EDIL3: variants seen among roughly 807,000 people sequenced by gnomAD.
The protein encoded by EDIL3 is EGF-like repeat and discoidin I-like domain-containing protein 3.
EDIL3 carries 37 observed loss-of-function variants against 67.4 expected under a neutral mutation model. The observed-to-expected ratio is 0.55, with a 90% CI of 0.42 to 0.72. The LOEUF (loss-of-function observed/expected upper bound fraction) is 0.72, where lower values mean the gene tolerates loss of function less well. Among genes scored for constraint, EDIL3 ranks in the 30% least tolerant of loss-of-function variants. EDIL3 has a pLI of 0.00. For missense variants in EDIL3, 527 were observed against 586.3 expected (o/e 0.90, Z 1.04); for synonymous variants, 195 against 196.3 (o/e 0.99, Z 0.05).
chr5:84,081,508 C>G (rs1183904860), intron 6 of EDIL3, among the ~76,000 whole-genome samples: 1 of 151,952 alleles, frequency 6.6e-6, no homozygotes, highest in Non-Finnish European at 1.5e-5. Context: ...GGTCACTTTG[C>G]TAATGAATAT....
chr5:84,278,906 G>A (rs1483374446), intron 1 of EDIL3, among the ~76,000 whole-genome samples: 2 of 151,994 alleles, frequency 1.3e-5, no homozygotes, highest in African/African-American at 4.8e-5. Context: ...GGAGAGTGTG[G>A]TATAATTTAA....
chr5:84,156,327 C>T (rs1748489376), intron 4 of EDIL3, among the ~76,000 whole-genome samples: 1 of 152,182 alleles, frequency 6.6e-6, no homozygotes, highest in Admixed American at 6.5e-5. Context: ...TCACCCCTAG[C>T]TAGCCTGGAC....
At chr5:83,965,930 C>T (rs1744683517) in intron 9 of EDIL3, among the ~76,000 whole-genome samples, 1 of 152,016 alleles carries the variant, frequency 6.6e-6, no homozygotes, top group African/African-American at 2.4e-5. Context: ...CAAAAATAAT[C>T]AGCAACTCAC....
chr5:84,282,286 A>G (rs899635613), intron 1 of EDIL3, among the ~76,000 whole-genome samples: 4 of 152,146 alleles, frequency 2.6e-5, no homozygotes. Flanking sequence ...TACAATTTTT[A>G]TATTTATAAT....
At chr5:84,141,946 T>TAC (rs1161570578) in intron 4 of EDIL3, among the ~76,000 whole-genome samples, 1,706 of 132,292 alleles carry the variant, frequency 0.013, 57 homozygotes, top group African/African-American at 0.045. Flanking sequence ...TATATATATA[T>TAC]ACATAGATCT....
At chr5:84,363,640 C>T (rs1177166781) in intron 1 of EDIL3, among the ~76,000 whole-genome samples, 2 of 152,008 alleles carry the variant, frequency 1.3e-5, no homozygotes, top group Non-Finnish European at 2.9e-5. Context: ...TGTGCACAGG[C>T]ATTGGAACCT....
chr5:84,052,143 G>A (rs1351123901), intron 9 of EDIL3, among the ~76,000 whole-genome samples: 1 of 152,170 alleles, frequency 6.6e-6, no homozygotes, highest in Non-Finnish European at 1.5e-5. Flanking sequence ...GAAGAGAGTG[G>A]GGGCCAATAT....
chr5:84,208,582 G>A (rs1744039301), intron 3 of EDIL3, among the ~76,000 whole-genome samples: 1 of 150,454 alleles, frequency 6.6e-6, no homozygotes, highest in South Asian at 2.1e-4. Flanking sequence ...GGGAGGCTGA[G>A]GCAGGAGAAT....
chr5:84,218,885 C>A (rs1372365488), intron 3 of EDIL3, among the ~76,000 whole-genome samples: 4 of 152,178 alleles, frequency 2.6e-5, no homozygotes, highest in Admixed American at 1.3e-4. Flanking sequence ...TCTGTGCCAG[C>A]TCAGCCACAG....
intron 1 of EDIL3, among the ~76,000 whole-genome samples, chr5:84,345,930 C>A (rs188315533): frequency 6.6e-6 from 1 of 152,076 alleles, no homozygotes; most frequent in African/African-American, 2.4e-5. Context: ...GAAAACACAA[C>A]AATGTTTTCC....
intron 5 of EDIL3, among the ~76,000 whole-genome samples, chr5:84,114,933 A>G (rs1295091911): frequency 1.3e-5 from 2 of 152,218 alleles, no homozygotes; most frequent in Admixed American, 6.5e-5. Context: ...CTGAGACAAT[A>G]TGCTTCTTAC....
chr5:84,012,563 A>C (rs1042280410), intron 9 of EDIL3, among the ~76,000 whole-genome samples: 1 of 152,148 alleles, frequency 6.6e-6, no homozygotes, highest in African/African-American at 2.4e-5. Context: ...AAAAGGGTCC[A>C]GTAGCATTTG....
intron 9 of EDIL3, among the ~76,000 whole-genome samples, chr5:84,058,363 AACACAC>A (rs3831891): frequency 2.6e-5 from 4 of 151,268 alleles, no homozygotes; most frequent in African/African-American, 7.3e-5. Context: ...CAGACACACA[AACACAC>A]ACACACACAC....
chr5:84,141,920 T>C (rs1295290829), intron 4 of EDIL3, among the ~76,000 whole-genome samples: 1 of 99,366 alleles, frequency 1.0e-5, no homozygotes, highest in African/African-American at 4.0e-5. Context: ...TATATATATA[T>C]ATACACATAT....
chr5:84,138,745 G>A (rs1377442580), intron 4 of EDIL3, among the ~76,000 whole-genome samples: 1 of 152,026 alleles, frequency 6.6e-6, no homozygotes, highest in Non-Finnish European at 1.5e-5. Flanking sequence ...AGAAAGCCTG[G>A]TCTAAATTTC....
chr5:84,052,109 T>C (rs1053775060), intron 9 of EDIL3, among the ~76,000 whole-genome samples: 3 of 152,230 alleles, frequency 2.0e-5, no homozygotes, highest in African/African-American at 7.2e-5. Context: ...ACAGCGGATC[T>C]CTCGGCAGAA....
chr5:84,036,940 A>T (rs1051057628), intron 9 of EDIL3, among the ~76,000 whole-genome samples: 1 of 152,124 alleles, frequency 6.6e-6, no homozygotes, highest in Non-Finnish European at 1.5e-5. Context: ...GCTAAATGTG[A>T]AGCAGGAGGC....
chr5:83,943,312 T>C lies in EDIL3; in HGVS notation c.*107A>G, dbSNP rs1262640365. ...CTACCATAATTTGAGCACTTTTTCA[T>C]GAAAAAAAAAAAAAAACCATTCAGT... On this transcript the variant is annotated 3_prime_UTR_variant, in exon 11 of 11. Transcript: ENST00000296591. 6.3e-6 allele frequency: 8 copies of C among 1,275,278 alleles called. No homozygotes were observed. The highest frequency in any genetic ancestry group is 4.7e-5 in the African/African-American group (3 of 63,982). The allele number at this position is 1,275,278 out of a possible 1,614,324, so 79.0% of individuals were successfully genotyped here. A position where few individuals can be genotyped will look rare whatever the true frequency, so the allele number is the denominator to read the frequency against.
chr5:84,180,587 T>C (rs573474187), intron 3 of EDIL3, 66 bp from the exon 4 acceptor site: 2 of 1,450,688 alleles, frequency 1.4e-6, no homozygotes, highest in African/African-American at 2.9e-5. Context: ...AGGTCAACAT[T>C]TTGCAATTAA....
Sources: allele counts gnomAD v4.1 joint callset (sites outside exome capture counted in the v4.1 genomes callset), GRCh38; gene constraint gnomAD v4.1.1; transcripts MANE v1.5; gene names NCBI Gene and HGNC (gene_info 2026-07-23, HGNC 2026-07-21).